MKLN1: variants seen among roughly 807,000 people sequenced by gnomAD.
MKLN1 encodes the protein muskelin.
A neutral mutation model predicts 99.0 loss-of-function variants in MKLN1; 18 were observed. That is an observed-to-expected ratio of 0.18 (90% confidence interval 0.13 to 0.27). The LOEUF (loss-of-function observed/expected upper bound fraction) is 0.27, where lower values mean the gene tolerates loss of function less well. MKLN1 is among the 10% of genes least tolerant of loss of function. The pLI is 1.00. For synonymous variants in MKLN1, 288 were observed against 293.2 expected (o/e 0.98, Z 0.18); for missense variants, 621 against 875.9 (o/e 0.71, Z 3.67).
intron 3 of MKLN1, among the ~76,000 whole-genome samples, chr7:131,294,221 G>A (rs1464671209): frequency 6.6e-6 from 1 of 152,168 alleles, no homozygotes; most frequent in Non-Finnish European, 1.5e-5. Context: ...ATTTTCCCAG[G>A]CCTGAAAATG....
intron 1 of MKLN1, among the ~76,000 whole-genome samples, chr7:131,140,960 A>G (rs1034611164): frequency 2.0e-5 from 3 of 151,798 alleles, no homozygotes; most frequent in Admixed American, 1.3e-4. Context: ...TTTTGTCTGT[A>G]TTTTTAGTAG....
chr7:131,192,187 TAAAATATA>T (rs1310525191), intron 2 of MKLN1, among the ~76,000 whole-genome samples: 12 of 102,668 alleles, frequency 1.2e-4, no homozygotes, highest in Non-Finnish European at 1.8e-4. Flanking sequence ...TAAAAATATA[TAAAATATA>T]ATATATACAA....
At chr7:131,172,440 C>T (rs1031735057) in intron 2 of MKLN1, among the ~76,000 whole-genome samples, 4 of 152,066 alleles carry the variant, frequency 2.6e-5, no homozygotes, top group African/African-American at 9.7e-5. Context: ...CTCAGCCTCC[C>T]AAGTAGCTGG....
chr7:131,490,382 A>G lies in MKLN1; in HGVS notation c.*2654A>G, dbSNP rs1412020645. ...ATTGTTTTCAACCAGAAATTAAAGT[A>G]GATATCCAACATTATTTTCAGTGCT... On this transcript the variant is annotated 3_prime_UTR_variant, in exon 18 of 18. Coordinates refer to ENST00000352689, the MANE Select transcript of MKLN1 (RefSeq NM_013255.5). The G allele has an allele frequency of 6.6e-6, 1 of 152,600 alleles. No individual in the cohort carries two copies. The highest frequency in any genetic ancestry group is 1.9e-4 in the East Asian group (1 of 5,194). 9.5% of individuals were successfully genotyped at this position (152,600 alleles called of 1,614,324 possible). A position where few individuals can be genotyped will look rare whatever the true frequency, so the allele number is the denominator to read the frequency against.
chr7:131,349,612 G>C (rs1370189542), intron 1 of MKLN1, among the ~76,000 whole-genome samples: 2 of 152,332 alleles, frequency 1.3e-5, no homozygotes, highest in East Asian at 3.9e-4. Flanking sequence ...CTTTGCATTA[G>C]GTAGAAAAGG....
intron 12 of MKLN1, among the ~76,000 whole-genome samples, chr7:131,446,276 AG>A (rs1180559701): frequency 6.6e-6 from 1 of 152,170 alleles, no homozygotes; most frequent in Admixed American, 6.5e-5. Context: ...GTGTGTCTTA[AG>A]GGGGGAACTT....
chr7:131,411,362 A>G lies in MKLN1; in HGVS notation c.760A>G (p.Ile254Val). Residue 254 changes from isoleucine to valine, a missense_variant, in exon 7 of 18, where the codon ATC (isoleucine) becomes GTC (valine). Physicochemically the swap from Ile to Val is conservative, Grantham distance 29. Transcript: ENST00000352689. ...GGAATATAAGCCACGATGGAGTCAA[A>G]TCATTCCCAAAAGTACCAAAGGTAA... ...QQEYKPRWSQ[I>V]IPKSTKGDGE... The G allele has an allele frequency of 6.2e-7, 1 of 1,610,564 alleles. No individual in the cohort carries two copies. The highest frequency in any genetic ancestry group is 8.5e-7 in the Non-Finnish European group (1 of 1,176,838).
At chr7:131,305,960 C>T (rs1381018876) in intron 3 of MKLN1, among the ~76,000 whole-genome samples, 1 of 152,140 alleles carries the variant, frequency 6.6e-6, no homozygotes, top group Non-Finnish European at 1.5e-5. Flanking sequence ...ATTATAATCC[C>T]CACGTGTCAG....
intron 3 of MKLN1, among the ~76,000 whole-genome samples, chr7:131,320,226 C>T (rs1199357780): frequency 1.3e-5 from 2 of 152,168 alleles, no homozygotes; most frequent in African/African-American, 4.8e-5. Flanking sequence ...GGTACCAAAA[C>T]AGATACATAG....
chr7:131,177,140 C>T (rs1228499843), intron 2 of MKLN1, among the ~76,000 whole-genome samples: 1 of 152,160 alleles, frequency 6.6e-6, no homozygotes, highest in Non-Finnish European at 1.5e-5. Context: ...TTTATGGCCA[C>T]ATATGTGATT....
At chr7:131,365,734 G>T (rs1800161556) in intron 1 of MKLN1, among the ~76,000 whole-genome samples, 1 of 152,052 alleles carries the variant, frequency 6.6e-6, no homozygotes, top group Non-Finnish European at 1.5e-5. Context: ...CATCAGCTTT[G>T]TTGAAGATCA....
At chr7:131,262,051 T>C (rs1797740082) in intron 3 of MKLN1, among the ~76,000 whole-genome samples, 1 of 152,130 alleles carries the variant, frequency 6.6e-6, no homozygotes, top group African/African-American at 2.4e-5. Flanking sequence ...ATGCGTATTA[T>C]CTGGGTGATG....
chr7:131,274,910 CA>C (rs1340465075), intron 3 of MKLN1, among the ~76,000 whole-genome samples: 1 of 152,144 alleles, frequency 6.6e-6, no homozygotes, highest in African/African-American at 2.4e-5. Context: ...CTGAGACACA[CA>C]GTTGTCTTTT....
At chr7:131,443,774 A>G in intron 11 of MKLN1, 72 bp downstream of exon 11, 2 of 1,157,256 alleles carry the variant, frequency 1.7e-6, no homozygotes, top group Admixed American at 1.8e-5. Context: ...AAGTGGTGAA[A>G]TCTAATTCTT....
chr7:131,386,159 G>A (rs1794015133), intron 2 of MKLN1, among the ~76,000 whole-genome samples: 1 of 151,828 alleles, frequency 6.6e-6, no homozygotes, highest in African/African-American at 2.4e-5. Flanking sequence ...GATTACAGGC[G>A]ACCGCCACCA....
At chr7:131,421,719 T>A (rs1380479358) in intron 8 of MKLN1, among the ~76,000 whole-genome samples, 1 of 152,198 alleles carries the variant, frequency 6.6e-6, no homozygotes, top group African/African-American at 2.4e-5. Context: ...CTTTTGTGTG[T>A]TTTTTGCATA....
intron 3 of MKLN1, among the ~76,000 whole-genome samples, chr7:131,283,776 A>G (rs1024818617): frequency 1.3e-5 from 2 of 152,076 alleles, no homozygotes; most frequent in Non-Finnish European, 2.9e-5. Context: ...GAGGTAACCA[A>G]TCTGTTGAAG....
chr7:131,314,377 T>C (rs1029721988), intron 3 of MKLN1, among the ~76,000 whole-genome samples: 10 of 152,192 alleles, frequency 6.6e-5, no homozygotes, highest in Admixed American at 1.3e-4. Context: ...GATCTTTTCA[T>C]GTGGTACTGA....
chr7:131,323,303 G>C (rs1004613824), upstream of MKLN1: 4 of 152,204 alleles, frequency 2.6e-5, no homozygotes, highest in Admixed American at 6.5e-5. Context: ...GGAGGGTCTG[G>C]AGGTGAAAGG....
Sources: gnomAD v4.1 joint callset for allele counts (sites outside exome capture counted in the v4.1 genomes callset) on GRCh38, gnomAD v4.1.1 for gene constraint, MANE v1.5 for transcripts, NCBI Gene and HGNC (gene_info 2026-07-23, HGNC 2026-07-21) for gene names.